The following HOMER1 variants were observed in gnomAD, a reference collection of about 807,000 sequenced individuals.
The protein encoded by HOMER1 is homer scaffold protein 1, also known as homer protein homolog 1.
HOMER1 carries 3 observed loss-of-function variants against 48.9 expected under a neutral mutation model. That is an observed-to-expected ratio of 0.06 (90% CI 0.03 to 0.16). The LOEUF (loss-of-function observed/expected upper bound fraction) is 0.16. Ranked by LOEUF, HOMER1 falls within the 10% of genes least tolerant of loss-of-function variation. The probability of loss-of-function intolerance (pLI) is 1.00; values close to 1 mark genes in which losing one functional copy is unlikely to be tolerated. For synonymous variants in HOMER1, 134 were observed against 146.4 expected (o/e 0.92, Z 0.61); for missense variants, 247 against 411.4 (o/e 0.60, Z 3.46).
At chr5:79,443,410 TCAGA>T (rs1750792016) in intron 4 of HOMER1, among the ~76,000 whole-genome samples, 1 of 152,174 alleles carries the variant, frequency 6.6e-6, no homozygotes, top group Non-Finnish European at 1.5e-5. Context: ...ACCTACTAAA[TCAGA>T]CAGTCTGGGA....
chr5:79,512,286 T>A (rs1202596038), intron 1 of HOMER1, among the ~76,000 whole-genome samples: 3 of 152,206 alleles, frequency 2.0e-5, no homozygotes, highest in Non-Finnish European at 2.9e-5. Context: ...CTTTGAATAT[T>A]CAAGGACAAG....
At chr5:79,471,166 A>T (rs1751603495) in intron 1 of HOMER1, among the ~76,000 whole-genome samples, 1 of 152,184 alleles carries the variant, frequency 6.6e-6, no homozygotes, top group Non-Finnish European at 1.5e-5. Context: ...TAATTTTAAA[A>T]TAATAAAACA....
rs1445341680 is a variant in HOMER1 at position 79,451,129 on chromosome 5, A to T, written c.163-8T>A. On this transcript the variant is annotated splice_region_variant and splice_polypyrimidine_tract_variant and intron_variant, in intron 2 of 8. Transcript: ENST00000334082. ...GGTACTATTTATTATTGCCTAAAAA[A>T]TAAAGCAAGTATGAGCAACCAGCAA... 8 of 1,609,550 alleles carry T rather than the reference A, an allele frequency of 5.0e-6. No individual in the cohort carries two copies. Among genetic ancestry groups the T allele is most frequent in the Admixed American group, 1.7e-5 (1 of 59,798 alleles).
At chr5:79,427,392 T>A (rs1483012399) in intron 5 of HOMER1, among the ~76,000 whole-genome samples, 1 of 152,092 alleles carries the variant, frequency 6.6e-6, no homozygotes, top group Non-Finnish European at 1.5e-5. Flanking sequence ...ATTTGTTTGT[T>A]TTTTGGTTGT....
chr5:79,490,587 C>G (rs1345438944), intron 1 of HOMER1, among the ~76,000 whole-genome samples: 1 of 151,812 alleles, frequency 6.6e-6, no homozygotes, highest in Non-Finnish European at 1.5e-5. Flanking sequence ...TCCATCACAG[C>G]CCCTAAAATC....
intron 1 of HOMER1, among the ~76,000 whole-genome samples, chr5:79,465,471 T>C (rs1156834204): frequency 6.6e-6 from 1 of 152,116 alleles, no homozygotes; most frequent in Non-Finnish European, 1.5e-5. Context: ...ACATTAAGTA[T>C]TTAATTGATG....
At chr5:79,418,218 A>C (rs1749996935) in intron 5 of HOMER1, among the ~76,000 whole-genome samples, 1 of 152,254 alleles carries the variant, frequency 6.6e-6, no homozygotes, top group South Asian at 2.1e-4. Context: ...TATTATGCAA[A>C]TGAATTCTAA....
chr5:79,413,524 G>A (rs1341338950), intron 5 of HOMER1, among the ~76,000 whole-genome samples: 5 of 151,964 alleles, frequency 3.3e-5, no homozygotes. Context: ...GGCTTTTAGT[G>A]TATTCATCAC....
In HOMER1 at chr5:79,375,742, T is replaced by C. The variant is rs908732963; in HGVS notation, c.*267A>G. On this transcript the variant is annotated 3_prime_UTR_variant, in exon 9 of 9. Transcript: ENST00000334082. ...AAAGATTGCATTAAGTGTCTATTTA[T>C]AACTTTCTAGTTAACTATGGCCAAT... 6.8e-6 allele frequency: 2 copies of C among 293,880 alleles called. No individual in the cohort carries two copies. Among genetic ancestry groups the C allele is most frequent in the Non-Finnish European group, 1.2e-5 (2 of 160,430 alleles). The allele number at this position is 293,880 out of a possible 1,614,324, so 18.2% of individuals were successfully genotyped here.
At chr5:79,465,107 C>T (rs902296034) in intron 1 of HOMER1, among the ~76,000 whole-genome samples, 2 of 151,904 alleles carry the variant, frequency 1.3e-5, no homozygotes, top group African/African-American at 2.4e-5. Context: ...GAGGCCAAAG[C>T]GGGAGGATCG....
intron 5 of HOMER1, among the ~76,000 whole-genome samples, chr5:79,418,804 G>A (rs1348905143): frequency 6.6e-6 from 1 of 152,098 alleles, no homozygotes; most frequent in African/African-American, 2.4e-5. Flanking sequence ...TTTCACATGT[G>A]CTATTCCTTT....
intron 1 of HOMER1, among the ~76,000 whole-genome samples, chr5:79,496,521 C>T (rs6871510): frequency 0.23 from 34,769 of 152,014 alleles, 4,409 homozygotes; most frequent in South Asian, 0.42. Context: ...CATAGAAAAA[C>T]TTACCATCTT....
At chr5:79,387,295 T>G (rs1397380409) in intron 8 of HOMER1, among the ~76,000 whole-genome samples, 1 of 151,896 alleles carries the variant, frequency 6.6e-6, no homozygotes. Flanking sequence ...CCCAGCTAAT[T>G]TTTAAAATAT....
intron 6 of HOMER1, among the ~76,000 whole-genome samples, chr5:79,399,957 T>C (rs116549953): frequency 2.4e-4 from 37 of 152,236 alleles, no homozygotes; most frequent in African/African-American, 8.2e-4. Flanking sequence ...TAAATAAATA[T>C]ATTATGTTTC....
chr5:79,428,352 C>T (rs542913817), intron 5 of HOMER1, among the ~76,000 whole-genome samples: 51 of 152,064 alleles, frequency 3.4e-4, no homozygotes, highest in South Asian at 1.5e-3. Context: ...TAATGGTAAA[C>T]GACTCAACGC....
chr5:79,410,433 G>C (rs1749786295), intron 5 of HOMER1, among the ~76,000 whole-genome samples: 1 of 149,074 alleles, frequency 6.7e-6, no homozygotes, highest in African/African-American at 2.5e-5. Context: ...GGAGGCTGCA[G>C]TGAGCTGATC....
intron 8 of HOMER1, among the ~76,000 whole-genome samples, chr5:79,393,460 C>T (rs1561346264): frequency 6.6e-6 from 1 of 152,162 alleles, no homozygotes; most frequent in African/African-American, 2.4e-5. Context: ...GCACTCGTGA[C>T]TTCAAGATAC....
intron 2 of HOMER1, among the ~76,000 whole-genome samples, chr5:79,455,425 A>G (rs997412775): frequency 5.3e-5 from 8 of 152,012 alleles, no homozygotes; most frequent in Admixed American, 3.9e-4. Flanking sequence ...ACGAGATCTG[A>G]TGGTTTTATA....
At chr5:79,400,192 G>C (rs1183050621) in intron 6 of HOMER1, among the ~76,000 whole-genome samples, 1 of 151,920 alleles carries the variant, frequency 6.6e-6, no homozygotes, top group Non-Finnish European at 1.5e-5. Context: ...CTGTGAAACA[G>C]ATCTCCAGAA....
Sources: gnomAD v4.1 joint callset for allele counts (sites outside exome capture counted in the v4.1 genomes callset) on GRCh38, gnomAD v4.1.1 for gene constraint, MANE v1.5 for transcripts, NCBI Gene and HGNC (gene_info 2026-07-23, HGNC 2026-07-21) for gene names.